The following ATOSA variants were observed in gnomAD, a reference collection of about 807,000 sequenced individuals.
ATOSA encodes atos homolog protein A.
the ATOSA span, among the ~76,000 whole-genome samples, chr15:52,661,678 T>C: frequency 1.3e-5 from 2 of 152,160 alleles, no homozygotes; most frequent in African/African-American, 4.8e-5. Flanking sequence ...TAGAGTACCC[T>C]GGTAAATACC....
At chr15:52,620,764 G>A in the ATOSA span, among the ~76,000 whole-genome samples, 1 of 151,972 alleles carries the variant, frequency 6.6e-6, no homozygotes, top group South Asian at 2.1e-4. Context: ...CCTGGGCAAC[G>A]TGGCAAAACC....
chr15:52,637,984 T>G, the ATOSA span, among the ~76,000 whole-genome samples: 7 of 152,224 alleles, frequency 4.6e-5, no homozygotes, highest in Non-Finnish European at 8.8e-5. Context: ...CTTGTCTTTT[T>G]GTAATGCCTA....
chr15:52,669,644 T>C, the ATOSA span, among the ~76,000 whole-genome samples: 1 of 152,210 alleles, frequency 6.6e-6, no homozygotes, highest in African/African-American at 2.4e-5. Context: ...AACCAAAATA[T>C]GAAAACTTTA....
the ATOSA span, among the ~76,000 whole-genome samples, chr15:52,607,995 C>CTCAG: frequency 6.6e-6 from 1 of 152,170 alleles, no homozygotes; most frequent in Non-Finnish European, 1.5e-5. Flanking sequence ...ATTCCCCCAC[C>CTCAG]TCAGCCTCCC....
the ATOSA span, among the ~76,000 whole-genome samples, chr15:52,667,559 T>G: frequency 9.3e-3 from 1,420 of 152,368 alleles, 32 homozygotes; most frequent in Admixed American, 0.052. Flanking sequence ...CGTAAATGTT[T>G]AACGGCTGGC....
At chr15:52,663,577 T>C in the ATOSA span, among the ~76,000 whole-genome samples, 1 of 149,338 alleles carries the variant, frequency 6.7e-6, no homozygotes, top group African/African-American at 2.4e-5. Context: ...CTAAGAGTTG[T>C]ACATATTGTT....
the ATOSA span, chr15:52,584,731 A>T: frequency 6.2e-7 from 1 of 1,600,812 alleles, no homozygotes; most frequent in Non-Finnish European, 8.5e-7. Context: ...TTTCATATTA[A>T]TTTGAAGCAT....
chr15:52,645,725 G>A, the ATOSA span, among the ~76,000 whole-genome samples: 1 of 152,154 alleles, frequency 6.6e-6, no homozygotes, highest in Non-Finnish European at 1.5e-5. Context: ...CTCAGGGCCT[G>A]AAGACTCTCA....
At chr15:52,687,329 C>T in the ATOSA span, among the ~76,000 whole-genome samples, 1 of 152,166 alleles carries the variant, frequency 6.6e-6, no homozygotes, top group East Asian at 1.9e-4. Context: ...GGCGTGAGCC[C>T]GGGAGGCGGA....
chr15:52,696,981 A>G, the ATOSA span, among the ~76,000 whole-genome samples: 1 of 152,164 alleles, frequency 6.6e-6, no homozygotes, highest in Non-Finnish European at 1.5e-5. Context: ...ATCTATTCAG[A>G]CCTGATCTTA....
At chr15:52,582,221 C>T in the ATOSA span, 2 of 1,603,576 alleles carry the variant, frequency 1.2e-6, no homozygotes, top group Non-Finnish European at 8.5e-7. Flanking sequence ...ATATGCAGCA[C>T]CGCTATCAAC....
the ATOSA span, among the ~76,000 whole-genome samples, chr15:52,687,107 T>C: frequency 6.6e-6 from 1 of 152,214 alleles, no homozygotes; most frequent in African/African-American, 2.4e-5. Flanking sequence ...GAGACAGTCA[T>C]GTTAATAAAT....
chr15:52,606,722 T>G, the ATOSA span, among the ~76,000 whole-genome samples: 1 of 152,304 alleles, frequency 6.6e-6, no homozygotes, highest in East Asian at 1.9e-4. Context: ...AATTATACTT[T>G]TAGAAAATTG....
the ATOSA span, among the ~76,000 whole-genome samples, chr15:52,684,367 C>G: frequency 3.9e-5 from 6 of 152,118 alleles, no homozygotes; most frequent in Non-Finnish European, 7.4e-5. Context: ...AGACCACTGT[C>G]TCTATAAAAA....
the ATOSA span, among the ~76,000 whole-genome samples, chr15:52,592,832 GAAGTAGCTAGTATCCT>G: frequency 1.3e-5 from 2 of 152,174 alleles, no homozygotes; most frequent in African/African-American, 2.4e-5. Flanking sequence ...GCGTGAGTCT[GAAGTAGCTAGTATCCT>G]AAAGAACTCT....
the ATOSA span, chr15:52,658,495 T>C: frequency 2.7e-6 from 1 of 373,308 alleles, no homozygotes; most frequent in Non-Finnish European, 4.7e-6. Context: ...AGATTTTAAC[T>C]ACAGCACCTA....
chr15:52,663,968 A>C, the ATOSA span, among the ~76,000 whole-genome samples: 1 of 152,226 alleles, frequency 6.6e-6, no homozygotes, highest in South Asian at 2.1e-4. Flanking sequence ...AATGAATGCC[A>C]CAAAAATTCA....
the ATOSA span, among the ~76,000 whole-genome samples, chr15:52,629,063 T>C: frequency 6.6e-6 from 1 of 152,212 alleles, no homozygotes; most frequent in South Asian, 2.1e-4. Flanking sequence ...GCCTTCAATC[T>C]ATAAGTGTCC....
At chr15:52,656,728 T>A in the ATOSA span, 1 of 152,150 alleles carries the variant, frequency 6.6e-6, no homozygotes, top group African/African-American at 2.4e-5. Flanking sequence ...TCTAATAATA[T>A]CTTGTATACA....
Sources: allele counts gnomAD v4.1 joint callset (sites outside exome capture counted in the v4.1 genomes callset), GRCh38; gene constraint gnomAD v4.1.1; transcripts MANE v1.5; gene names NCBI Gene and HGNC (gene_info 2026-07-23, HGNC 2026-07-21).